The following RARB variants were observed in gnomAD, a reference collection of about 807,000 sequenced individuals.
The protein encoded by RARB is retinoic acid receptor beta, also known as HBV-activated protein.
In RARB, 17 loss-of-function variants were observed where a neutral mutation model predicts 51.9. The observed-to-expected ratio is 0.33, with a 90% CI of 0.22 to 0.49. The LOEUF (loss-of-function observed/expected upper bound fraction) is 0.49, where lower values mean the gene tolerates loss of function less well. Ranked by LOEUF, RARB falls within the 20% of genes least tolerant of loss-of-function variation. RARB has a pLI of 0.99. For missense variants in RARB, 369 were observed against 550.8 expected (o/e 0.67, Z 3.30); for synonymous variants, 215 against 195.4 (o/e 1.10, Z -0.84).
intron 3 of RARB, among the ~76,000 whole-genome samples, chr3:25,103,812 C>T (rs1012826139): frequency 1.3e-5 from 2 of 152,178 alleles, no homozygotes; most frequent in African/African-American, 4.8e-5. Flanking sequence ...CTTAGGGTTG[C>T]CTGTCTTAGC....
chr3:24,929,640 A>G (rs1319967843), intron 2 of RARB, among the ~76,000 whole-genome samples: 1 of 152,096 alleles, frequency 6.6e-6, no homozygotes, highest in Admixed American at 6.6e-5. Flanking sequence ...TACAAAAGAA[A>G]CAACAGTAAT....
intron 2 of RARB, among the ~76,000 whole-genome samples, chr3:24,962,878 T>A (rs12487571): frequency 6.6e-6 from 1 of 151,960 alleles, no homozygotes; most frequent in Non-Finnish European, 1.5e-5. Context: ...TCTTAGCTAC[T>A]TTTTAAGGTA....
At chr3:25,433,710 A>G (rs534344701) in intron 1 of RARB, among the ~76,000 whole-genome samples, 1 of 152,268 alleles carries the variant, frequency 6.6e-6, no homozygotes, top group South Asian at 2.1e-4. Flanking sequence ...AGGAGATGAG[A>G]TAACCTGCCC....
chr3:24,841,921 T>A (rs758207348), intron 1 of RARB, among the ~76,000 whole-genome samples: 1 of 152,190 alleles, frequency 6.6e-6, no homozygotes, highest in Admixed American at 6.5e-5. Context: ...TAAAATTAAA[T>A]ATGAAAGAAC....
intron 2 of RARB, among the ~76,000 whole-genome samples, chr3:24,968,509 G>A (rs576667881): frequency 6.6e-6 from 1 of 152,222 alleles, no homozygotes; most frequent in South Asian, 2.1e-4. Context: ...TCTGGGCTGG[G>A]ATCAGTTGGG....
intron 2 of RARB, among the ~76,000 whole-genome samples, chr3:25,019,808 C>A (rs115226653): frequency 1.3e-5 from 2 of 152,096 alleles, no homozygotes; most frequent in East Asian, 3.9e-4. Flanking sequence ...AGCAGACCAA[C>A]GCTGGATGAT....
Position 25,428,436 on chromosome 3 carries a change from G to T in RARB, c.-296G>T. 1 of 1,269,548 alleles carries T rather than the reference G, an allele frequency of 7.9e-7. No individual in the cohort carries two copies. Among genetic ancestry groups the T allele is most frequent in the Non-Finnish European group, 9.9e-7 (1 of 1,009,574 alleles). The allele number at this position is 1,269,548 out of a possible 1,614,324, so 78.6% of individuals were successfully genotyped here. A position where few individuals can be genotyped will look rare whatever the true frequency, so the allele number is the denominator to read the frequency against. On this transcript the variant is annotated 5_prime_UTR_variant, in exon 1 of 8. Coordinates refer to ENST00000330688, the MANE Select transcript of RARB (RefSeq NM_000965.5). ...CGGGGTAGGATCCGGAACGCATTCG[G>T]AAGGCTTTTTGCAAGCATTTACTTG...
rs753168858 is a variant in RARB at position 25,596,540 on chromosome 3, CAGCAG to C, written c.1276_1280del (p.Glu426GlnfsTer3). The C allele has an allele frequency of 9.3e-6, 15 of 1,613,882 alleles. No individual in the cohort carries two copies. The highest frequency in any genetic ancestry group is 1.3e-5 in the Non-Finnish European group (15 of 1,179,788). On this transcript the variant is annotated frameshift_variant, in exon 8 of 8. Coordinates refer to ENST00000330688, the MANE Select transcript of RARB (RefSeq NM_000965.5). LOFTEE classifies it high-confidence loss of function. ...TTGACCCCAAGTTCAAGTGGGAACA[CAGCAG>C]AGCACAGTCCTAGCATCTCACCCAG...
chr3:25,484,503 T>C lies in RARB; in HGVS notation c.307-16679T>C, dbSNP rs566860074. Among the ~76,000 whole-genome samples the C allele has an allele frequency of 7.2e-5, 11 of 152,244 alleles. No individual in the cohort carries two copies. In the South Asian group the frequency reaches 1.7e-3, roughly 23 times the overall value. On this transcript the variant is annotated intron_variant, in intron 2 of 7. Coordinates refer to ENST00000330688, the MANE Select transcript of RARB (RefSeq NM_000965.5). ...CCAGGGGTTGTCAAATTATGGCCCA[T>C]AGGCTAAACCGGGTCTGCTGCCTGT... is the stretch of plus-strand genomic sequence containing the variant.
chr3:25,524,709 A>C (rs1698567318), intron 3 of RARB, among the ~76,000 whole-genome samples: 2 of 131,884 alleles, frequency 1.5e-5, no homozygotes, highest in African/African-American at 2.9e-5. Flanking sequence ...TTTTCCTCCC[A>C]TGTTTTTATT....
intron 2 of RARB, among the ~76,000 whole-genome samples, chr3:24,878,811 T>C (rs923808104): frequency 6.6e-6 from 1 of 152,110 alleles, no homozygotes; most frequent in Non-Finnish European, 1.5e-5. Flanking sequence ...ATCTTTGTGG[T>C]TTTTCTTGGA....
At chr3:25,043,396 A>C (rs1698151641) in intron 2 of RARB, among the ~76,000 whole-genome samples, 1 of 152,264 alleles carries the variant, frequency 6.6e-6, no homozygotes, top group Non-Finnish European at 1.5e-5. Context: ...CACCGGCAAC[A>C]GGCCAAGCAC....
intron 5 of RARB, among the ~76,000 whole-genome samples, chr3:25,353,394 A>G (rs780453687): frequency 1.4e-4 from 22 of 152,270 alleles, no homozygotes; most frequent in Admixed American, 1.1e-3. Context: ...GAGTGAATCA[A>G]TGACAAACAT....
chr3:25,361,620 A>G (rs544066211), intron 5 of RARB, among the ~76,000 whole-genome samples: 36 of 152,004 alleles, frequency 2.4e-4, no homozygotes, highest in Non-Finnish European at 4.7e-4. Context: ...TCATGGATTT[A>G]TCTACCTTTG....
intron 2 of RARB, among the ~76,000 whole-genome samples, chr3:25,008,705 G>A (rs930298404): frequency 2.6e-5 from 4 of 152,010 alleles, no homozygotes; most frequent in Non-Finnish European, 5.9e-5. Context: ...AAAAAATTTA[G>A]TCTGTTCCCA....
At chr3:24,965,943 C>A (rs1021173634) in intron 2 of RARB, among the ~76,000 whole-genome samples, 2 of 152,138 alleles carry the variant, frequency 1.3e-5, no homozygotes, top group African/African-American at 2.4e-5. Flanking sequence ...ATTAGTGTTA[C>A]ATTTTTTGTG....
intron 2 of RARB, among the ~76,000 whole-genome samples, chr3:25,045,345 T>C (rs1484901839): frequency 1.3e-5 from 2 of 152,224 alleles, no homozygotes; most frequent in East Asian, 3.8e-4. Flanking sequence ...ACTGGGGTTC[T>C]GCAGTGAGAC....
chr3:25,506,149 A>C (rs1021866728), intron 3 of RARB, among the ~76,000 whole-genome samples: 2 of 149,822 alleles, frequency 1.3e-5, no homozygotes, highest in Non-Finnish European at 3.0e-5. Flanking sequence ...GCTACTCAGG[A>C]GGCCAAGGCA....
chr3:25,363,593 C>A (rs537283146), intron 5 of RARB, among the ~76,000 whole-genome samples: 1 of 152,178 alleles, frequency 6.6e-6, no homozygotes, highest in Non-Finnish European at 1.5e-5. Flanking sequence ...GGTCTACAAT[C>A]TAATGACTTC....
Sources: allele counts gnomAD v4.1 joint callset (sites outside exome capture counted in the v4.1 genomes callset), GRCh38; gene constraint gnomAD v4.1.1; transcripts MANE v1.5; gene names NCBI Gene and HGNC (gene_info 2026-07-23, HGNC 2026-07-21).